Variants in TENM3 observed in about 807,000 individuals in gnomAD.
The protein encoded by TENM3 is teneurin-3.
In TENM3, 63 loss-of-function variants were observed where a neutral mutation model predicts 255.1. That is an observed-to-expected ratio of 0.25 (90% CI 0.20 to 0.30). TENM3 has a LOEUF of 0.30. Among genes scored for constraint, TENM3 ranks in the 10% least tolerant of loss-of-function variants. The pLI is 1.00. For synonymous variants in TENM3, 1,306 were observed against 1,322.3 expected, an observed-to-expected ratio of 0.99 and a Z score of 0.27; for missense variants, 2,929 against 3,461.1, an observed-to-expected ratio of 0.85 and a Z score of 3.86.
intron 3 of TENM3, among the ~76,000 whole-genome samples, chr4:182,482,434 C>A (rs933762997): frequency 6.6e-6 from 1 of 151,968 alleles, no homozygotes; most frequent in Admixed American, 6.6e-5. Context: ...GTGGAAGGTA[C>A]CACCACTAAT....
the TENM3 span, among the ~76,000 whole-genome samples, chr4:181,802,863 A>G: frequency 1.3e-5 from 2 of 152,164 alleles, no homozygotes; most frequent in African/African-American, 4.8e-5. Context: ...TGCTTAATAC[A>G]CACTAATATC....
At chr4:181,851,586 ACACG>A in the TENM3 span, among the ~76,000 whole-genome samples, 1 of 152,036 alleles carries the variant, frequency 6.6e-6, no homozygotes, top group Admixed American at 6.5e-5. Flanking sequence ...GCACATATAC[ACACG>A]CACGCACGCA....
chr4:182,641,179 T>C (rs760838367), intron 5 of TENM3, among the ~76,000 whole-genome samples: 4 of 152,232 alleles, frequency 2.6e-5, no homozygotes, highest in Admixed American at 6.5e-5. Context: ...AAGTTTCCTC[T>C]TGACATACAC....
the TENM3 span, among the ~76,000 whole-genome samples, chr4:181,979,794 A>G: frequency 1.3e-5 from 2 of 152,204 alleles, no homozygotes; most frequent in Non-Finnish European, 2.9e-5. Context: ...ATACAGCTAG[A>G]CATGACAACC....
intron 3 of TENM3, among the ~76,000 whole-genome samples, chr4:182,401,746 G>A (rs550766450): frequency 5.3e-5 from 8 of 152,180 alleles, no homozygotes; most frequent in African/African-American, 1.9e-4. Flanking sequence ...TTAATGACTG[G>A]TCATAACAGA....
At chr4:181,868,644 T>C in the TENM3 span, among the ~76,000 whole-genome samples, 156 of 152,318 alleles carry the variant, frequency 1.0e-3, no homozygotes, top group Non-Finnish European at 1.9e-3. Flanking sequence ...CTGCCTTTTA[T>C]AATTAAAGCA....
At chr4:182,629,024 T>G in intron 5 of TENM3, 135 bp downstream of exon 5, 2 of 641,292 alleles carry the variant, frequency 3.1e-6, no homozygotes, top group Non-Finnish European at 5.4e-6. Context: ...TAATAATGTA[T>G]CATAAATCAC....
intron 1 of TENM3, among the ~76,000 whole-genome samples, chr4:182,181,194 T>G (rs369131591): frequency 2.5e-4 from 38 of 152,316 alleles, no homozygotes; most frequent in Middle Eastern, 3.4e-3. Flanking sequence ...TATACATAAC[T>G]AATCAGGACT....
At chr4:182,327,768 T>G (rs1430054325) in intron 2 of TENM3, among the ~76,000 whole-genome samples, 1 of 152,242 alleles carries the variant, frequency 6.6e-6, no homozygotes, top group Non-Finnish European at 1.5e-5. Flanking sequence ...TGGCTTGTTT[T>G]GCATTCTTAG....
the TENM3 span, among the ~76,000 whole-genome samples, chr4:181,729,257 G>T: frequency 6.6e-6 from 1 of 152,148 alleles, no homozygotes; most frequent in African/African-American, 2.4e-5. Context: ...TATTTGATCT[G>T]GGCCTCGAAA....
At chr4:182,039,378 T>C in the TENM3 span, among the ~76,000 whole-genome samples, 3 of 152,172 alleles carry the variant, frequency 2.0e-5, no homozygotes, top group Non-Finnish European at 4.4e-5. Flanking sequence ...TGATGTTTTG[T>C]AGAAAGCCCC....
In TENM3 at chr4:182,180,842, A is replaced by C. The variant is rs1338488741; in HGVS notation, c.-76+36088A>C. 1.3e-5 allele frequency among the ~76,000 whole-genome samples: 2 copies of C among 151,892 alleles called. 1 individual carries two copies. Among genetic ancestry groups the C allele is most frequent in the Non-Finnish European group, 2.9e-5 (2 of 67,972 alleles). On this transcript the variant is annotated intron_variant, in intron 1 of 2. Coordinates refer to the TENM3 transcript ENST00000512480. ...CTGTAGTAGAAACTACATTAACTTTAATTTCTTTCATTAAAACAATTTCAT... is the reference window on the plus strand; with the variant it reads ...CTGTAGTAGAAACTACATTAACTTTCATTTCTTTCATTAAAACAATTTCAT...
At chr4:182,421,560 G>A (rs1770834826) in intron 3 of TENM3, among the ~76,000 whole-genome samples, 1 of 152,112 alleles carries the variant, frequency 6.6e-6, no homozygotes, top group Admixed American at 6.5e-5. Context: ...GTTAGTAAAT[G>A]TTTAGCCTCT....
chr4:181,534,360 C>A, the TENM3 span, among the ~76,000 whole-genome samples: 3 of 152,058 alleles, frequency 2.0e-5, no homozygotes, highest in African/African-American at 7.2e-5. Context: ...CATTTACCAG[C>A]CAATTTCTAA....
chr4:182,677,118 A>G (rs1211929616), intron 7 of TENM3, among the ~76,000 whole-genome samples: 1 of 152,140 alleles, frequency 6.6e-6, no homozygotes, highest in Admixed American at 6.5e-5. Flanking sequence ...ATTCCTTGTA[A>G]TTTGGTAATT....
At chr4:181,743,103 T>A in the TENM3 span, among the ~76,000 whole-genome samples, 2 of 152,112 alleles carry the variant, frequency 1.3e-5, no homozygotes, top group East Asian at 3.9e-4. Flanking sequence ...TGGTTCCAAG[T>A]CTTTGCTATT....
chr4:182,206,052 T>TAAA (rs60159341), intron 1 of TENM3, among the ~76,000 whole-genome samples: 1 of 147,950 alleles, frequency 6.8e-6, no homozygotes, highest in Non-Finnish European at 1.5e-5. Context: ...TCTGTAAAAT[T>TAAA]AAAAAAAAAA....
At chr4:182,497,847 CATATATATATATAT>C (rs56170155) in intron 3 of TENM3, among the ~76,000 whole-genome samples, 44,187 of 135,290 alleles carry the variant, frequency 0.33, 7,610 homozygotes, top group Non-Finnish European at 0.38. Flanking sequence ...ACTAAAAATA[CATATATATATATAT>C]ATATATATAT....
the TENM3 span, among the ~76,000 whole-genome samples, chr4:181,923,784 C>T: frequency 6.6e-6 from 1 of 152,078 alleles, no homozygotes; most frequent in Admixed American, 6.6e-5. Flanking sequence ...TCAAAAGATA[C>T]CGCTTCCCAG....
Sources: gnomAD v4.1 joint callset for allele counts (sites outside exome capture counted in the v4.1 genomes callset) on GRCh38, gnomAD v4.1.1 for gene constraint, MANE v1.5 for transcripts, NCBI Gene and HGNC (gene_info 2026-07-23, HGNC 2026-07-21) for gene names.